Variants in CPSF4L observed in about 807,000 individuals in gnomAD.
CPSF4L encodes the protein cleavage and polyadenylation specific factor 4 like, also known as putative cleavage and polyadenylation specificity factor subunit 4-like protein.
CPSF4L carries 18 observed loss-of-function variants against 24.0 expected under a neutral mutation model. The observed-to-expected ratio is 0.75, with a 90% CI of 0.52 to 1.11. The LOEUF is 1.11. Ranked by LOEUF, CPSF4L falls within the 50% of genes least tolerant of loss-of-function variation. The probability of loss-of-function intolerance (pLI) is 0.00; values close to 1 mark genes in which losing one functional copy is unlikely to be tolerated. For synonymous variants in CPSF4L, 72 were observed against 77.2 expected (o/e 0.93, Z 0.35); for missense variants, 211 against 221.8 (o/e 0.95, Z 0.31).
At chr17:73,247,345 G>A (rs1422960117), downstream of CPSF4L, 1 of 1,614,116 alleles carries the variant, frequency 6.2e-7, no homozygotes, top group East Asian at 2.2e-5. Flanking sequence ...GGATTAGGAA[G>A]CACGTTTAAG....
At position 73,250,149 on chromosome 17, in the gene CPSF4L, C is replaced by G. The variant is rs1392540765; in HGVS notation, c.498-1613G>C. 4 of 1,300,008 alleles carry G rather than the reference C, an allele frequency of 3.1e-6. No homozygotes were observed. In the Admixed American group the frequency reaches 9.8e-5, roughly 32 times the overall value. The allele number at this position is 1,300,008 out of a possible 1,614,324, so 80.5% of individuals were successfully genotyped here. On this transcript the variant is annotated intron_variant, in intron 5 of 5. Transcript: ENST00000344935. ...GCTACTTCTGCACCTCACTCATACC[C>G]TGCTTAGGATGACAGCAGGCTTACT...
downstream of CPSF4L, chr17:73,245,022 GA>G (rs2061926652): frequency 1.4e-6 from 1 of 695,046 alleles, no homozygotes; most frequent in African/African-American, 1.8e-5. Context: ...AGAGACTGAA[GA>G]AAGTGAAACA....
chr17:73,251,132 C>A (rs1232131516), intron 5 of CPSF4L: 1 of 1,518,680 alleles, frequency 6.6e-7, no homozygotes, highest in Non-Finnish European at 8.8e-7. Context: ...TGAGAAAACA[C>A]CTACTGCAGA....
intron 3 of CPSF4L, among the ~76,000 whole-genome samples, chr17:73,254,410 C>T (rs1418085843): frequency 6.6e-6 from 1 of 152,192 alleles, no homozygotes; most frequent in Non-Finnish European, 1.5e-5. Flanking sequence ...ATCTCTACTA[C>T]AAAACCCATG....
At chr17:73,250,236 T>C in intron 5 of CPSF4L, 16 of 1,549,610 alleles carry the variant, frequency 1.0e-5, no homozygotes, top group Non-Finnish European at 1.4e-5. Context: ...TGACCATAGG[T>C]TAGTTTTTAA....
At chr17:73,244,876 AAAG>A (rs200973964), downstream of CPSF4L, among the ~76,000 whole-genome samples, 3,739 of 152,294 alleles carry the variant, frequency 0.025, 162 homozygotes, top group African/African-American at 0.086. Context: ...TGGGTGAGGA[AAAG>A]AAGTGCCTTT....
At chr17:73,254,267 G>A (rs963734210) in intron 3 of CPSF4L, among the ~76,000 whole-genome samples, 1 of 152,226 alleles carries the variant, frequency 6.6e-6, no homozygotes, top group African/African-American at 2.4e-5. Context: ...GAGTAAGAGT[G>A]AGGGACCCCA....
At chr17:73,254,468 G>T (rs149589647) in intron 3 of CPSF4L, among the ~76,000 whole-genome samples, 2 of 152,298 alleles carry the variant, frequency 1.3e-5, no homozygotes, top group Admixed American at 6.5e-5. Flanking sequence ...GAAATGCAAA[G>T]AAAAGCAGAG....
chr17:73,256,712 C>T (rs1376230309), intron 3 of CPSF4L, among the ~76,000 whole-genome samples: 3 of 152,168 alleles, frequency 2.0e-5, no homozygotes, highest in African/African-American at 7.2e-5. Context: ...GCAGCTGCCC[C>T]ATAAACAGTC....
downstream of CPSF4L, chr17:73,244,706 G>GA (rs5821953): frequency 2.3e-4 from 35 of 150,758 alleles, no homozygotes; most frequent in Middle Eastern, 6.8e-3. Context: ...GACTTCTTAA[G>GA]AAAAAAAAAA....
chr17:73,261,304 GA>G (rs1227754622), intron 1 of CPSF4L, among the ~76,000 whole-genome samples: 14 of 152,258 alleles, frequency 9.2e-5, no homozygotes, highest in African/African-American at 3.4e-4. Flanking sequence ...CGAAGCCACA[GA>G]AGAGAGAGAC....
downstream of CPSF4L, chr17:73,247,974 T>C (rs963040542): frequency 9.7e-5 from 15 of 154,130 alleles, no homozygotes; most frequent in African/African-American, 2.9e-4. Context: ...CTCAAGTCCT[T>C]CAAGAATCTC....
At chr17:73,246,028 T>G (rs977098018), downstream of CPSF4L, among the ~76,000 whole-genome samples, 1 of 152,184 alleles carries the variant, frequency 6.6e-6, no homozygotes, top group Non-Finnish European at 1.5e-5. Context: ...ACTTCTGCTT[T>G]GGCCCACAGA....
intron 2 of CPSF4L, among the ~76,000 whole-genome samples, chr17:73,259,370 T>C (rs2062036405): frequency 6.6e-6 from 1 of 151,440 alleles, no homozygotes; most frequent in Non-Finnish European, 1.5e-5. Context: ...AAAAAAATTA[T>C]GTTTTGTAGA....
chr17:73,252,158 A>T (rs1188685850), intron 5 of CPSF4L, among the ~76,000 whole-genome samples: 3 of 152,212 alleles, frequency 2.0e-5, no homozygotes, highest in Admixed American at 6.5e-5. Context: ...ACTCACCTTC[A>T]TGTAACTCGG....
intron 5 of CPSF4L, chr17:73,249,658 A>C (rs890889308): frequency 6.6e-6 from 1 of 152,102 alleles, no homozygotes; most frequent in Non-Finnish European, 1.5e-5. Flanking sequence ...CCCCTTTCCC[A>C]GTGGATTAAG....
rs2062029201 is a variant in CPSF4L at position 73,257,774 on chromosome 17, G to A, written c.214C>T (p.Leu72Phe). The A allele has an allele frequency of 6.4e-7, 1 of 1,551,548 alleles. No homozygotes were observed. Among genetic ancestry groups the A allele is most frequent in the Non-Finnish European group, 8.7e-7 (1 of 1,146,988 alleles). The stretch of plus-strand genomic sequence containing the variant: ...TCACCCTTCTTGCAGAGCCCCCGGA[G>A]CCAGTGCTTGCATACCACCATCTTC... ...GEKMVVCKHW[L>F]RGLCKKGDHC... Residue 72 changes from leucine (L) to phenylalanine (F), a missense_variant, in exon 3 of 6, where the codon CTC becomes TTC. Transcript: ENST00000344935.
intron 4 of CPSF4L, 59 bp from the exon 5 acceptor site, chr17:73,252,782 C>A: frequency 8.5e-7 from 1 of 1,181,302 alleles, no homozygotes. Context: ...GGAAAACACA[C>A]ATGAAAAAGC....
intron 5 of CPSF4L, chr17:73,250,141 C>A: frequency 8.3e-7 from 1 of 1,204,140 alleles, no homozygotes; most frequent in Non-Finnish European, 1.2e-6. Flanking sequence ...CTGCACCTCA[C>A]TCATACCCTG....
Sources: gnomAD v4.1 joint callset for allele counts (sites outside exome capture counted in the v4.1 genomes callset) on GRCh38, gnomAD v4.1.1 for gene constraint, MANE v1.5 for transcripts, NCBI Gene and HGNC (gene_info 2026-07-23, HGNC 2026-07-21) for gene names.